The following NIPSNAP1 variants were observed in gnomAD, a reference collection of about 807,000 sequenced individuals.
NIPSNAP1 encodes the protein nipsnap homolog 1, also known as protein NipSnap homolog 1.
NIPSNAP1 carries 25 observed loss-of-function variants against 49.2 expected under a neutral mutation model. The observed-to-expected ratio is 0.51, with a 90% CI of 0.37 to 0.71. The LOEUF is 0.71. Among genes scored for constraint, NIPSNAP1 ranks in the 30% least tolerant of loss-of-function variants. The pLI, the probability that NIPSNAP1 is intolerant of heterozygous loss-of-function variation, is 0.00. For missense variants in NIPSNAP1, 294 were observed against 361.0 expected (o/e 0.81, Z 1.50); for synonymous variants, 143 against 140.7 (o/e 1.02, Z -0.12).
intron 6 of NIPSNAP1, 113 bp from the exon 7 acceptor site, chr22:29,561,315 G>T: frequency 6.8e-7 from 1 of 1,475,052 alleles, no homozygotes. Context: ...AGCTGCAGCG[G>T]CCATTTGGCC....
chr22:29,575,375 A>G (rs189115982), intron 1 of NIPSNAP1, among the ~76,000 whole-genome samples: 247 of 152,194 alleles, frequency 1.6e-3, no homozygotes, highest in African/African-American at 5.5e-3. Context: ...CAGTTTCCCC[A>G]TCTGTCAAAT....
intron 1 of NIPSNAP1, among the ~76,000 whole-genome samples, chr22:29,575,590 A>G (rs894877986): frequency 1.3e-5 from 2 of 152,050 alleles, no homozygotes; most frequent in East Asian, 3.8e-4. Context: ...CCTGCTCTCT[A>G]TCTTGTTCCA....
In NIPSNAP1 at chr22:29,561,668, C is replaced by CA. The variant is rs777970851; in HGVS notation, c.439-23dup. ...ACTCCTGTGGGCATGGTGGTAAAGGCATGGCTACCAGGAAGTGCGCTCCAT... is the reference window on the plus strand; with the variant it reads ...ACTCCTGTGGGCATGGTGGTAAAGGCAATGGCTACCAGGAAGTGCGCTCCAT... On this transcript the variant is annotated intron_variant, in intron 5 of 9. Transcript: ENST00000216121. The CA allele has an allele frequency of 1.5e-5, 25 of 1,614,002 alleles. No individual in the cohort carries two copies. The African/African-American group carries it at 3.2e-4, about 21-fold the overall frequency.
chr22:29,573,802 T>C (rs2146615084), intron 1 of NIPSNAP1, among the ~76,000 whole-genome samples: 1 of 131,110 alleles, frequency 7.6e-6, no homozygotes, highest in Non-Finnish European at 1.6e-5. Context: ...TGTGGTCGAG[T>C]GTCAAGTGCG....
At position 29,569,272 on chromosome 22, in the gene NIPSNAP1, G is replaced by A; in HGVS notation, c.288C>T (p.Pro96=). ...GGTAGTCCTCATCCAGGTGAAGCTTGGGCAGCACAGCCTCCCTGTGGGGGA... is the reference window on the plus strand; with the variant it reads ...GGTAGTCCTCATCCAGGTGAAGCTTAGGCAGCACAGCCTCCCTGTGGGGGA... ...AYNSLTEAVL[P]KLHLDEDYPC... is the part of the protein sequence containing the mutation. Residue 96 remains proline, a synonymous_variant, in exon 4 of 10, where the codon CCC becomes CCT. Transcript: ENST00000216121. 1 of 1,613,936 alleles carries A rather than the reference G, an allele frequency of 6.2e-7. No homozygotes were observed. Among genetic ancestry groups the A allele is most frequent in the Non-Finnish European group, 8.5e-7 (1 of 1,179,934 alleles).
At chr22:29,570,286 A>G (rs2064398521) in intron 2 of NIPSNAP1, 79 bp from the exon 3 acceptor site, 1 of 1,599,920 alleles carries the variant, frequency 6.3e-7, no homozygotes, top group Admixed American at 1.7e-5. Flanking sequence ...GAGCCCATCA[A>G]GGCCAGGGGT....
intron 8 of NIPSNAP1, among the ~76,000 whole-genome samples, chr22:29,560,352 A>C (rs2064326787): frequency 6.6e-6 from 1 of 150,986 alleles, no homozygotes; most frequent in African/African-American, 2.4e-5. Context: ...GGTTCAACTG[A>C]TTCTCCTGCC....
chr22:29,556,325 G>A (rs565032831), intron 9 of NIPSNAP1, among the ~76,000 whole-genome samples: 11 of 152,260 alleles, frequency 7.2e-5, no homozygotes, highest in African/African-American at 2.4e-4. Context: ...AGGAGTTCGA[G>A]ACTAGCCTGA....
intron 7 of NIPSNAP1, 65 bp from the exon 8 acceptor site, chr22:29,560,893 C>A (rs1486485553): frequency 6.8e-7 from 1 of 1,460,178 alleles, no homozygotes; most frequent in Non-Finnish European, 9.6e-7. Flanking sequence ...GAGGCTGATT[C>A]CTTGGCCACA....
chr22:29,566,325 G>T (rs1195790321), intron 4 of NIPSNAP1, among the ~76,000 whole-genome samples: 4 of 151,282 alleles, frequency 2.6e-5, no homozygotes, highest in African/African-American at 9.7e-5. Context: ...TTCTTTTTTA[G>T]AGACAGGGTC....
At chr22:29,569,567 C>T (rs532151185) in intron 3 of NIPSNAP1, among the ~76,000 whole-genome samples, 18 of 151,812 alleles carry the variant, frequency 1.2e-4, no homozygotes, top group African/African-American at 4.3e-4. Context: ...AAAGTGAGAT[C>T]CCATCTCTCT....
chr22:29,559,398 A>G (rs1287312776), intron 8 of NIPSNAP1, among the ~76,000 whole-genome samples: 2 of 152,118 alleles, frequency 1.3e-5, no homozygotes, highest in African/African-American at 2.4e-5. Flanking sequence ...TTAGTTGGGC[A>G]TGGTACTGCA....
chr22:29,579,288 ACTT>A (rs2064478976), intron 1 of NIPSNAP1, among the ~76,000 whole-genome samples: 1 of 76,852 alleles, frequency 1.3e-5, no homozygotes, highest in Non-Finnish European at 2.5e-5. Flanking sequence ...AAATTTTTGT[ACTT>A]TTTTTTTTTT....
chr22:29,579,458 A>G (rs9608783), intron 1 of NIPSNAP1, among the ~76,000 whole-genome samples: 118,307 of 150,256 alleles, frequency 0.79, 47,074 homozygotes, highest in African/African-American at 0.88. Context: ...CACCGCGCCC[A>G]GCTAATTTTT....
intron 1 of NIPSNAP1, among the ~76,000 whole-genome samples, chr22:29,572,178 C>T (rs111361281): frequency 2.0e-5 from 3 of 151,484 alleles, no homozygotes; most frequent in African/African-American, 7.3e-5. Context: ...TGGTGTGCAC[C>T]TGTAATCCCA....
intron 1 of NIPSNAP1, among the ~76,000 whole-genome samples, chr22:29,578,409 C>T (rs2064471880): frequency 6.6e-6 from 1 of 151,326 alleles, no homozygotes; most frequent in South Asian, 2.1e-4. Context: ...TGGGTTCAAG[C>T]AATCCTCCCA....
chr22:29,559,618 C>T (rs73881557), intron 8 of NIPSNAP1, among the ~76,000 whole-genome samples: 1,588 of 152,222 alleles, frequency 0.01, 25 homozygotes, highest in African/African-American at 0.036. Context: ...CCTAGACCTC[C>T]CAGACTCAGG....
intron 4 of NIPSNAP1, among the ~76,000 whole-genome samples, chr22:29,568,566 G>A (rs1388259466): frequency 6.6e-6 from 1 of 152,018 alleles, no homozygotes; most frequent in Non-Finnish European, 1.5e-5. Flanking sequence ...GCTGAGGCAG[G>A]TGGATCACCT....
chr22:29,572,340 A>G (rs1300570169), intron 1 of NIPSNAP1, among the ~76,000 whole-genome samples: 1 of 151,750 alleles, frequency 6.6e-6, no homozygotes, highest in Non-Finnish European at 1.5e-5. Context: ...TGTCTTGCAA[A>G]TAAAAAATCA....
Sources: allele counts gnomAD v4.1 joint callset (sites outside exome capture counted in the v4.1 genomes callset), GRCh38; gene constraint gnomAD v4.1.1; transcripts MANE v1.5; gene names NCBI Gene and HGNC (gene_info 2026-07-23, HGNC 2026-07-21).